Variants in EIF3D observed in about 807,000 individuals in gnomAD.
EIF3D encodes eukaryotic translation initiation factor 3 subunit D.
In EIF3D, 10 loss-of-function variants were observed where a neutral mutation model predicts 75.4. That is an observed-to-expected ratio of 0.13 (90% CI 0.08 to 0.22). EIF3D has a LOEUF of 0.22. Ranked by LOEUF, EIF3D falls within the 10% of genes least tolerant of loss-of-function variation. The probability of loss-of-function intolerance (pLI) is 1.00; values close to 1 mark genes in which losing one functional copy is unlikely to be tolerated. For synonymous variants in EIF3D, 246 were observed against 248.3 expected (o/e 0.99, Z 0.09); for missense variants, 394 against 708.0 (o/e 0.56, Z 5.03).
At chr22:36,512,363 G>C in intron 13 of EIF3D, 97 bp downstream of exon 13, 1 of 1,512,834 alleles carries the variant, frequency 6.6e-7, no homozygotes, top group Non-Finnish European at 9.0e-7. Flanking sequence ...ATCTCTGCCA[G>C]TCAATTGTCC....
intron 8 of EIF3D, 114 bp from the exon 9 acceptor site, chr22:36,519,024 C>T: frequency 7.2e-7 from 1 of 1,390,534 alleles, no homozygotes; most frequent in Non-Finnish European, 9.6e-7. Flanking sequence ...ATAAGGAGGC[C>T]CCACCTCATT....
Position 36,518,834 on chromosome 22 carries a change from T to G in EIF3D, c.788A>C (p.Tyr263Ser). The change falls in exon 9 of 15, where the codon TAT becomes TCT. Residue 263 changes from tyrosine to serine, a missense_variant. Coordinates refer to ENST00000216190, the MANE Select transcript of EIF3D (RefSeq NM_003753.4). ...ATLMSCTRSV[Y>S]SWDIVVQRVG... ...TCTCTGGACGACAATATCCCAGGAA[T>G]ACACTGAGCGGGTACAGCTCATCAG... The G allele has an allele frequency of 6.2e-7, 1 of 1,614,202 alleles. No individual in the cohort carries two copies. The highest frequency in any genetic ancestry group is 8.5e-7 in the Non-Finnish European group (1 of 1,180,038).
In EIF3D at chr22:36,528,854, GCA is replaced by G. The variant is rs572254455; in HGVS notation, c.-11+220_-11+221del. ...AATTCACCCAGCTCATGGGCACTGA[GCA>G]GGGCCGAGGGCCAAGGACCTCACCC... On this transcript the variant is annotated intron_variant, in intron 1 of 14. Transcript: ENST00000216190. 249 of 160,988 alleles carry G rather than the reference GCA, an allele frequency of 1.5e-3. 1 individual carries two copies. Among genetic ancestry groups the G allele is most frequent in the African/African-American group, 5.1e-3 (214 of 41,974 alleles). The allele number at this position is 160,988 out of a possible 1,614,324, so 10.0% of individuals were successfully genotyped here. A position where few individuals can be genotyped will look rare whatever the true frequency, so the allele number is the denominator to read the frequency against.
chr22:36,520,498 G>C (rs957986444), intron 7 of EIF3D, 78 bp downstream of exon 7: 4 of 995,072 alleles, frequency 4.0e-6, no homozygotes, highest in African/African-American at 3.3e-5. Flanking sequence ...GGAAATACTA[G>C]GGCTTAAGAA....
chr22:36,515,347 G>GTC (rs1934405792), intron 12 of EIF3D, among the ~76,000 whole-genome samples: 1 of 152,112 alleles, frequency 6.6e-6, no homozygotes, highest in Non-Finnish European at 1.5e-5. Context: ...TGACCAACAT[G>GTC]GAGAAACCCC....
At chr22:36,519,743 C>T (rs147985549) in intron 7 of EIF3D, among the ~76,000 whole-genome samples, 1 of 152,328 alleles carries the variant, frequency 6.6e-6, no homozygotes, top group Non-Finnish European at 1.5e-5. Flanking sequence ...CACAACTCAT[C>T]TAGCCCAACG....
intron 11 of EIF3D, 28 bp downstream of exon 11, chr22:36,516,677 C>T (rs2076083): frequency 0.18 from 295,832 of 1,613,930 alleles, 28,659 homozygotes; most frequent in Middle Eastern, 0.32. Context: ...CCAGTCTGGC[C>T]ACAATACCCA....
Position 36,514,968 on chromosome 22 carries a change from G to C in EIF3D, c.1206+1510C>G, listed in dbSNP as rs181851861. Among the ~76,000 whole-genome samples, 23 of 151,724 alleles carry C rather than the reference G, an allele frequency of 1.5e-4. No homozygotes were observed. The South Asian group carries it at 2.5e-3, about 16-fold the overall frequency. On this transcript the variant is annotated intron_variant, in intron 12 of 14. Transcript: ENST00000216190. ...ATTCAAGAGATCTGGTTGTTTAAAAGTGTATACCAACCTCCCCCCTCTCTT... is the reference window on the plus strand; with the variant it reads ...ATTCAAGAGATCTGGTTGTTTAAAACTGTATACCAACCTCCCCCCTCTCTT...
In EIF3D at chr22:36,518,898, G is replaced by T; in HGVS notation, c.724C>A (p.Gln242Lys). 1 of 1,614,126 alleles carries T rather than the reference G, an allele frequency of 6.2e-7. No homozygotes were observed. The highest frequency in any genetic ancestry group is 1.1e-5 in the South Asian group (1 of 91,078). ...GCATCAGTGGCAAACACATTCCCCT[G>T]AGTTTTTGCCAGCTGCAAAGAGGAT... ...DPVIRKLAKTQGNVFATDAIL... is the reference protein window; with the variant it reads ...DPVIRKLAKTKGNVFATDAIL... The change falls in exon 9 of 15, where the codon CAG becomes AAG. Residue 242 changes from glutamine (Q) to lysine (K), a missense_variant. By Grantham distance (53) the Gln-to-Lys change is moderately conservative (BLOSUM62 1). Coordinates refer to ENST00000216190, the MANE Select transcript of EIF3D (RefSeq NM_003753.4).
intron 12 of EIF3D, among the ~76,000 whole-genome samples, chr22:36,514,313 C>T (rs1405608830): frequency 6.6e-6 from 1 of 151,954 alleles, no homozygotes; most frequent in East Asian, 1.9e-4. Context: ...GGGCAGAATT[C>T]TAAGATGACC....
rs769346362 is a variant in EIF3D at position 36,511,765 on chromosome 22, C to T, written c.1371G>A (p.Val457=). The T allele has an allele frequency of 3.7e-6, 6 of 1,613,676 alleles. No homozygotes were observed. Among genetic ancestry groups the T allele is most frequent in the Non-Finnish European group, 5.1e-6 (6 of 1,179,736 alleles). Reference sequence around the variant, plus strand: ...GGATGACGTGGCGTGAGGAGTCTTTCACGTGGTACCGAGACACATAACTAA... The same window carrying T: ...GGATGACGTGGCGTGAGGAGTCTTTTACGTGGTACCGAGACACATAACTAA... ...LKLGYVSRYH[V]KDSSRHVILG... The change falls in exon 14 of 15, where the codon GTG becomes GTA. Residue 457 remains valine, a synonymous_variant. Coordinates refer to ENST00000216190, the MANE Select transcript of EIF3D (RefSeq NM_003753.4).
At chr22:36,521,108 G>A (rs893746891) in intron 6 of EIF3D, among the ~76,000 whole-genome samples, 1 of 152,184 alleles carries the variant, frequency 6.6e-6, no homozygotes, top group Non-Finnish European at 1.5e-5. Flanking sequence ...GCTGAGGCAG[G>A]AGAACAGCTT....
chr22:36,519,260 C>A, intron 8 of EIF3D, 145 bp downstream of exon 8: 1 of 1,212,530 alleles, frequency 8.2e-7, no homozygotes, highest in Non-Finnish European at 1.2e-6. Flanking sequence ...CTGTGCTTAA[C>A]ATCCACATTT....
intron 1 of EIF3D, chr22:36,526,877 C>T (rs768693344): frequency 6.6e-6 from 1 of 152,266 alleles, no homozygotes; most frequent in Non-Finnish European, 1.5e-5. Context: ...GCGTGAGCCA[C>T]CACGTCCAGC....
chr22:36,520,681 C>T lies in EIF3D; in HGVS notation c.473G>A (p.Arg158Gln). 2 of 1,611,398 alleles carry T rather than the reference C, an allele frequency of 1.2e-6. No individual in the cohort carries two copies. Among genetic ancestry groups the T allele is most frequent in the Non-Finnish European group, 1.7e-6 (2 of 1,178,304 alleles). ...ACTACGAACTTCAACTGAAGAGTCT[C>T]GGGGTTTCTGCAGTTGAAAACCATT... The part of the protein sequence containing the change: ...QKWDQKSQKP[R>Q]DSSVEVRSDW... Residue 158 changes from arginine (R) to glutamine (Q), a missense_variant, in exon 7 of 15, where the codon CGA becomes CAA. Physicochemically the swap from Arg to Gln is conservative, Grantham distance 43. Coordinates refer to ENST00000216190, the MANE Select transcript of EIF3D (RefSeq NM_003753.4).
chr22:36,511,751 C>T lies in EIF3D; in HGVS notation c.1385G>A (p.Arg462His), dbSNP rs1437582072. 4.3e-6 allele frequency: 7 copies of T among 1,613,910 alleles called. No homozygotes were observed. Among genetic ancestry groups the T allele is most frequent in the East Asian group, 2.2e-5 (1 of 44,876 alleles). The change falls in exon 14 of 15, where the codon CGC becomes CAC. Residue 462 changes from arginine (R) to histidine (H), a missense_variant. Arg to His is a conservative substitution (Grantham distance 29, BLOSUM62 0). Coordinates refer to ENST00000216190, the MANE Select transcript of EIF3D (RefSeq NM_003753.4). Reference protein sequence around the residue: ...VSRYHVKDSSRHVILGTQQFK... With the variant: ...VSRYHVKDSSHHVILGTQQFK... ...CTGCTGGGTGCCTAGGATGACGTGG[C>T]GTGAGGAGTCTTTCACGTGGTACCG...
intron 9 of EIF3D, among the ~76,000 whole-genome samples, chr22:36,518,507 A>AAC (rs1934462711): frequency 6.6e-6 from 1 of 151,442 alleles, no homozygotes; most frequent in Non-Finnish European, 1.5e-5. Context: ...AAAAAAAAAA[A>AAC]AACAACAAAA....
intron 8 of EIF3D, 116 bp downstream of exon 8, chr22:36,519,289 T>G (rs1367199032): frequency 1.4e-6 from 2 of 1,441,246 alleles, no homozygotes; most frequent in Non-Finnish European, 1.9e-6. Context: ...CCTGGCAAAG[T>G]GCTTTTACCT....
intron 6 of EIF3D, among the ~76,000 whole-genome samples, chr22:36,522,417 G>A (rs557259397): frequency 5.3e-5 from 8 of 152,238 alleles, no homozygotes; most frequent in African/African-American, 1.7e-4. Flanking sequence ...ATGGAGGGCC[G>A]ACTTTTCATA....
Sources: gnomAD v4.1 joint callset for allele counts (sites outside exome capture counted in the v4.1 genomes callset) on GRCh38, gnomAD v4.1.1 for gene constraint, MANE v1.5 for transcripts, NCBI Gene and HGNC (gene_info 2026-07-23, HGNC 2026-07-21) for gene names.